Variants in GULP1 observed in about 807,000 individuals in gnomAD.
The protein encoded by GULP1 is GULP PTB domain containing engulfment adaptor 1.
In GULP1, 19 loss-of-function variants were observed where a neutral mutation model predicts 40.9. That is an observed-to-expected ratio of 0.46 (90% CI 0.32 to 0.68). GULP1 has a LOEUF of 0.68. Among genes scored for constraint, GULP1 ranks in the 30% least tolerant of loss-of-function variants. The probability of loss-of-function intolerance (pLI) is 0.03; values close to 1 mark genes in which losing one functional copy is unlikely to be tolerated. For synonymous variants in GULP1, 119 were observed against 117.6 expected (o/e 1.01, Z -0.08); for missense variants, 312 against 362.2 (o/e 0.86, Z 1.12).
intron 1 of GULP1, among the ~76,000 whole-genome samples, chr2:188,298,772 A>G (rs1325437331): frequency 2.0e-5 from 3 of 152,216 alleles, no homozygotes; most frequent in Non-Finnish European, 4.4e-5. Flanking sequence ...TTGGAAAAAT[A>G]AAATTTTCTA....
chr2:188,515,594 T>A (rs1337291112), intron 4 of GULP1, among the ~76,000 whole-genome samples: 1 of 152,240 alleles, frequency 6.6e-6, no homozygotes, highest in East Asian at 1.9e-4. Flanking sequence ...TGACTCTTTC[T>A]TAAATATTAC....
In GULP1 at chr2:188,434,103, A is replaced by G. The variant is rs1007451641; in HGVS notation, c.-44-43556A>G. Among the ~76,000 whole-genome samples, 5 of 151,990 alleles carry G rather than the reference A, an allele frequency of 3.3e-5. No homozygotes were observed. The East Asian group carries it at 9.6e-4, about 29-fold the overall frequency. ...TAGTATAAGAAGAGCTGACTGAATA[A>G]TATTTCCTTAGTGTCGCATGCAGAA... is the stretch of plus-strand genomic sequence containing the variant. On this transcript the variant is annotated intron_variant, in intron 2 of 11. Transcript: ENST00000409830.
intron 9 of GULP1, among the ~76,000 whole-genome samples, chr2:188,572,117 G>C (rs1042447611): frequency 6.6e-6 from 1 of 152,204 alleles, no homozygotes; most frequent in Non-Finnish European, 1.5e-5. Flanking sequence ...TACTGAGTCA[G>C]CTTCAGAAAT....
chr2:188,345,875 A>G (rs747069391), intron 1 of GULP1, among the ~76,000 whole-genome samples: 2 of 152,050 alleles, frequency 1.3e-5, no homozygotes, highest in African/African-American at 2.4e-5. Context: ...TTAAACAATA[A>G]CCCCTAATAT....
rs183857008 is a variant in GULP1, at chr2:188,434,631, A to G, written c.-44-43028A>G. 2.3e-4 allele frequency among the ~76,000 whole-genome samples: 34 copies of G among 149,494 alleles called. 1 individual carries two copies. Among genetic ancestry groups the G allele is most frequent in the African/African-American group, 8.1e-4 (33 of 40,744 alleles). ...ATGTTTATATTTTTGTTTTTTTTATAGTGCTACCCATTTTGTTGCATTCTT... is the reference window on the plus strand; with the variant it reads ...ATGTTTATATTTTTGTTTTTTTTATGGTGCTACCCATTTTGTTGCATTCTT... On this transcript the variant is annotated intron_variant, in intron 2 of 11. Coordinates refer to ENST00000409830, the MANE Select transcript of GULP1 (RefSeq NM_016315.4).
rs10175840 is a variant in GULP1, at chr2:188,588,388, A to G, written c.843+439A>G. On this transcript the variant is annotated intron_variant, in intron 11 of 11. Transcript: ENST00000409830. ...AAAAGAAGCATTGTAGCTGTAGTTC[A>G]TAACTTTTGGGCTTTTATTTAAAAA... The G allele has an allele frequency of 4.2e-3, 683 of 164,554 alleles. 8 individuals are homozygous for G. The highest frequency in any genetic ancestry group is 0.016 in the African/African-American group (650 of 41,644). 10.2% of individuals were successfully genotyped at this position (164,554 alleles called of 1,614,324 possible). A position where few individuals can be genotyped will look rare whatever the true frequency, so the allele number is the denominator to read the frequency against.
chr2:188,409,875 AGACCT>A (rs2053638903), intron 2 of GULP1, among the ~76,000 whole-genome samples: 2 of 152,344 alleles, frequency 1.3e-5, no homozygotes, highest in South Asian at 4.1e-4. Context: ...AAACAGCAAA[AGACCT>A]TGAATAGCCA....
intron 1 of GULP1, among the ~76,000 whole-genome samples, chr2:188,306,586 T>C (rs1304100306): frequency 6.6e-6 from 1 of 152,108 alleles, no homozygotes; most frequent in East Asian, 1.9e-4. Context: ...AGAGAATGTA[T>C]GGTTTAGCTA....
chr2:188,335,899 A>T (rs2042192624), intron 1 of GULP1, among the ~76,000 whole-genome samples: 1 of 152,198 alleles, frequency 6.6e-6, no homozygotes, highest in Admixed American at 6.5e-5. Flanking sequence ...CATTTTATAC[A>T]TGAGGGCTTT....
intron 1 of GULP1, chr2:188,293,711 C>G (rs1380501207): frequency 6.6e-6 from 1 of 152,208 alleles, no homozygotes; most frequent in Non-Finnish European, 1.5e-5. Flanking sequence ...GGCTAAGGTA[C>G]TGCCCCACTG....
intron 1 of GULP1, among the ~76,000 whole-genome samples, chr2:188,371,288 A>G (rs4073660): frequency 0.073 from 11,127 of 152,228 alleles, 590 homozygotes; most frequent in Non-Finnish European, 0.1. Flanking sequence ...ATAGCTTAGA[A>G]TGGTTTTCTA....
intron 4 of GULP1, among the ~76,000 whole-genome samples, chr2:188,500,528 A>G (rs1227863521): frequency 6.6e-6 from 1 of 151,912 alleles, no homozygotes. Flanking sequence ...GATGTTAATA[A>G]TCTTTTGTAC....
intron 1 of GULP1, among the ~76,000 whole-genome samples, chr2:188,381,910 T>C (rs566097031): frequency 6.6e-6 from 1 of 152,348 alleles, no homozygotes; most frequent in South Asian, 2.1e-4. Flanking sequence ...CATTCATACA[T>C]GCTAAGATCC....
chr2:188,309,675 GA>G (rs2037740287), intron 1 of GULP1, among the ~76,000 whole-genome samples: 1 of 151,972 alleles, frequency 6.6e-6, no homozygotes, highest in Non-Finnish European at 1.5e-5. Context: ...AAGACATTGA[GA>G]GAAAAAAAAT....
At chr2:188,482,167 G>A (rs2061492916) in intron 3 of GULP1, among the ~76,000 whole-genome samples, 1 of 151,734 alleles carries the variant, frequency 6.6e-6, no homozygotes, top group Non-Finnish European at 1.5e-5. Flanking sequence ...TGAGAATATT[G>A]CATTGTACCC....
At chr2:188,353,205 CTG>C (rs1242258460) in intron 1 of GULP1, among the ~76,000 whole-genome samples, 1 of 152,164 alleles carries the variant, frequency 6.6e-6, no homozygotes, top group African/African-American at 2.4e-5. Context: ...GAAAACAAAT[CTG>C]TAGTAGAAAA....
intron 2 of GULP1, among the ~76,000 whole-genome samples, chr2:188,448,887 A>C (rs1313450427): frequency 6.6e-6 from 1 of 152,152 alleles, no homozygotes; most frequent in African/African-American, 2.4e-5. Context: ...TTCTCTGGCC[A>C]TGCAACATGC....
intron 2 of GULP1, among the ~76,000 whole-genome samples, chr2:188,450,189 C>T (rs954593445): frequency 4.6e-5 from 7 of 152,034 alleles, no homozygotes; most frequent in Admixed American, 4.6e-4. Context: ...GGCACTGTGC[C>T]AGGTCATTTA....
intron 4 of GULP1, among the ~76,000 whole-genome samples, chr2:188,496,264 C>A (rs1243850962): frequency 6.6e-6 from 1 of 151,964 alleles, no homozygotes; most frequent in South Asian, 2.1e-4. Flanking sequence ...ATAATTAAAA[C>A]TAGCTTTCTA....
Sources: allele counts gnomAD v4.1 joint callset (sites outside exome capture counted in the v4.1 genomes callset), GRCh38; gene constraint gnomAD v4.1.1; transcripts MANE v1.5; gene names NCBI Gene and HGNC (gene_info 2026-07-23, HGNC 2026-07-21).